The following PLCL2 variants were observed in gnomAD, a reference collection of about 807,000 sequenced individuals.
PLCL2 encodes inactive phospholipase C-like protein 2.
A neutral mutation model predicts 79.6 loss-of-function variants in PLCL2; 4 were observed. The ratio of observed to expected loss-of-function variants is 0.05; its 90% CI spans 0.02 to 0.11. The LOEUF is 0.11. PLCL2 is among the 10% of genes least tolerant of loss of function. The pLI is 1.00. For missense variants in PLCL2, 895 were observed against 1,291.0 expected (o/e 0.69, Z 4.70); for synonymous variants, 484 against 457.7 (o/e 1.06, Z -0.73).
intron 1 of PLCL2, among the ~76,000 whole-genome samples, chr3:17,000,159 A>G (rs2064193937): frequency 6.6e-6 from 1 of 152,160 alleles, no homozygotes; most frequent in African/African-American, 2.4e-5. Flanking sequence ...GCACAGGTGA[A>G]TTTAGGGACT....
intron 1 of PLCL2, among the ~76,000 whole-genome samples, chr3:17,008,126 G>C (rs1173216269): frequency 6.6e-6 from 1 of 152,070 alleles, no homozygotes; most frequent in African/African-American, 2.4e-5. Context: ...AGTGCTGCCT[G>C]AAGTTTTAAA....
intron 1 of PLCL2, among the ~76,000 whole-genome samples, chr3:16,921,761 C>T (rs1449214311): frequency 6.6e-6 from 1 of 152,056 alleles, no homozygotes; most frequent in Non-Finnish European, 1.5e-5. Flanking sequence ...TTAACATGAT[C>T]TTTATAACCA....
chr3:17,009,916 C>T lies in PLCL2; in HGVS notation c.570C>T (p.Ser190=). Residue 190 remains serine, a synonymous_variant, in exon 2 of 6, where the codon TCC becomes TCT. Coordinates refer to ENST00000615277, the MANE Select transcript of PLCL2 (RefSeq NM_001144382.2). This position sits in a 1 kb window ranked among gnomAD's most constrained non-coding sequence, Gnocchi z 4.0. ...DSEKAKIDIK[S]IKEVRTGKNT... is the part of the protein sequence containing the mutation. ...AGAAAGCCAAGATTGACATTAAATC[C>T]ATCAAGGAAGTGAGAACAGGAAAAA... 1 of 1,613,744 alleles carries T rather than the reference C, an allele frequency of 6.2e-7. No individual in the cohort carries two copies. The highest frequency in any genetic ancestry group is 8.5e-7 in the Non-Finnish European group (1 of 1,179,686).
At chr3:17,083,831 G>A (rs1431809144) in intron 5 of PLCL2, among the ~76,000 whole-genome samples, 2 of 152,188 alleles carry the variant, frequency 1.3e-5, no homozygotes, top group African/African-American at 4.8e-5. Flanking sequence ...AAGAGTAGCT[G>A]GTAGTAGGAG....
intron 1 of PLCL2, among the ~76,000 whole-genome samples, chr3:16,932,915 C>G (rs1448132915): frequency 6.6e-6 from 1 of 152,114 alleles, no homozygotes; most frequent in Non-Finnish European, 1.5e-5. Flanking sequence ...CCTTCTTCTT[C>G]TTTTCTTTAG....
chr3:16,944,452 G>A (rs1262461683), intron 1 of PLCL2, among the ~76,000 whole-genome samples: 1 of 151,428 alleles, frequency 6.6e-6, no homozygotes, highest in Non-Finnish European at 1.5e-5. Context: ...TTAACCCTTA[G>A]TGCCTCAGAC....
chr3:16,969,727 T>C (rs1486045482), intron 1 of PLCL2, among the ~76,000 whole-genome samples: 3 of 152,052 alleles, frequency 2.0e-5, no homozygotes, highest in Non-Finnish European at 4.4e-5. Context: ...ATGTTTTTCG[T>C]GTCTCATTTT....
At chr3:16,981,436 T>G (rs1322877044) in intron 1 of PLCL2, among the ~76,000 whole-genome samples, 4 of 152,228 alleles carry the variant, frequency 2.6e-5, no homozygotes, top group Non-Finnish European at 4.4e-5. Context: ...CATCTTCATT[T>G]TCACTGACTA....
intron 1 of PLCL2, among the ~76,000 whole-genome samples, chr3:16,935,791 G>C (rs1697524779): frequency 6.6e-6 from 1 of 152,110 alleles, no homozygotes; most frequent in African/African-American, 2.4e-5. Context: ...CTGTGCCATT[G>C]CTAAAAAATA....
At position 17,011,542 on chromosome 3, in the gene PLCL2, C is replaced by T. The variant is rs1278420945; in HGVS notation, c.2196C>T (p.Ile732=). 2 of 1,614,020 alleles carry T rather than the reference C, an allele frequency of 1.2e-6. No homozygotes were observed. The highest frequency in any genetic ancestry group is 1.7e-5 in the Admixed American group (1 of 59,988). Residue 732 remains isoleucine (I), a synonymous_variant, in exon 2 of 6, where the codon ATC becomes ATT. Coordinates refer to ENST00000615277, the MANE Select transcript of PLCL2 (RefSeq NM_001144382.2). The surrounding 1 kb of genome is among the most constrained non-coding windows in gnomAD (Gnocchi z 7.9). The part of the protein sequence containing the change: ...GNCGYVLRPA[I]MREEVSFFSA... ...GTGGCTATGTCCTCCGGCCAGCCAT[C>T]ATGAGGGAGGAGGTCTCCTTCTTCA...
intron 1 of PLCL2, among the ~76,000 whole-genome samples, chr3:17,005,862 T>G (rs1575582557): frequency 6.6e-6 from 1 of 152,274 alleles, no homozygotes; most frequent in South Asian, 2.1e-4. Flanking sequence ...TCTAATAGAG[T>G]AGCAGAATTG....
chr3:17,010,858 C>G lies in PLCL2; in HGVS notation c.1512C>G (p.Asn504Lys). 1 of 1,613,954 alleles carries G rather than the reference C, an allele frequency of 6.2e-7. No homozygotes were observed. Among genetic ancestry groups the G allele is most frequent in the Non-Finnish European group, 8.5e-7 (1 of 1,179,888 alleles). ...IVFRSVIDII[N>K]KYAFFASEYP... is the part of the protein sequence containing the mutation. Reference sequence around the variant, plus strand: ...TCCGCAGTGTCATTGATATTATTAACAAGTATGCATTCTTTGCTTCAGAGT... The same window carrying G: ...TCCGCAGTGTCATTGATATTATTAAGAAGTATGCATTCTTTGCTTCAGAGT... Residue 504 changes from asparagine (N) to lysine (K), a missense_variant, in exon 2 of 6, where the codon AAC becomes AAG. Around this residue, in one of 6 missense-constraint regions of PLCL2, gnomAD observed 242 missense variants for 399.5 expected, o/e 0.61. Transcript: ENST00000615277. The surrounding 1 kb of genome is among the most constrained non-coding windows in gnomAD (Gnocchi z 5.8).
intron 4 of PLCL2, among the ~76,000 whole-genome samples, chr3:17,063,730 T>C (rs183112088): frequency 2.6e-5 from 4 of 152,348 alleles, no homozygotes; most frequent in African/African-American, 9.6e-5. Flanking sequence ...TCTCCACTTT[T>C]GCCTGTTCAA....
chr3:17,028,657 T>C (rs971681765), intron 3 of PLCL2, among the ~76,000 whole-genome samples: 1 of 151,762 alleles, frequency 6.6e-6, no homozygotes, highest in African/African-American at 2.4e-5. Flanking sequence ...TGTTGTTTTG[T>C]TTTTTTGCAG....
chr3:17,042,831 T>C, intron 3 of PLCL2, 43 bp from the exon 4 acceptor site: 2 of 1,340,382 alleles, frequency 1.5e-6, no homozygotes, highest in Non-Finnish European at 2.1e-6. Context: ...GGAGGGGATC[T>C]AGTTGTCAGG....
chr3:16,901,583 G>C (rs1345571952), intron 1 of PLCL2, among the ~76,000 whole-genome samples: 1 of 152,162 alleles, frequency 6.6e-6, no homozygotes, highest in Non-Finnish European at 1.5e-5. Context: ...CTGTACACTG[G>C]TCCTCCTCTG....
chr3:16,900,860 C>CA (rs1696601219), intron 1 of PLCL2, among the ~76,000 whole-genome samples: 1 of 152,224 alleles, frequency 6.6e-6, no homozygotes, highest in African/African-American at 2.4e-5. Flanking sequence ...GGTACCTTCT[C>CA]ACATTTTATA....
chr3:17,030,868 G>A (rs1402615494), intron 3 of PLCL2, among the ~76,000 whole-genome samples: 1 of 152,174 alleles, frequency 6.6e-6, no homozygotes. Context: ...ATTACCTTCT[G>A]TTAATTAGGA....
At chr3:16,981,343 T>TA (rs1333586954) in intron 1 of PLCL2, among the ~76,000 whole-genome samples, 1 of 152,224 alleles carries the variant, frequency 6.6e-6, no homozygotes, top group Non-Finnish European at 1.5e-5. Flanking sequence ...GTTTCTCTTT[T>TA]AAAATCACAA....
Sources: allele counts gnomAD v4.1 joint callset (sites outside exome capture counted in the v4.1 genomes callset), GRCh38; gene constraint gnomAD v4.1.1; regional missense constraint gnomAD v4.1.1; non-coding constraint Gnocchi (gnomAD v3.1); transcripts MANE v1.5; gene names NCBI Gene and HGNC (gene_info 2026-07-23, HGNC 2026-07-21).